INPP4B: variants seen among roughly 807,000 people sequenced by gnomAD.
INPP4B encodes the protein inositol polyphosphate-4-phosphatase type II B.
A neutral mutation model predicts 122.5 loss-of-function variants in INPP4B; 55 were observed. The ratio of observed to expected loss-of-function variants is 0.45; its 90% CI spans 0.36 to 0.56. The LOEUF (loss-of-function observed/expected upper bound fraction) is 0.56. Among genes scored for constraint, INPP4B ranks in the 20% least tolerant of loss-of-function variants. The pLI, the probability that INPP4B is intolerant of heterozygous loss-of-function variation, is 0.00. For synonymous variants in INPP4B, 403 were observed against 388.7 expected, an observed-to-expected ratio of 1.04 and a Z score of -0.43; for missense variants, 1,000 against 1,097.7, an observed-to-expected ratio of 0.91 and a Z score of 1.26.
At chr4:142,645,072 T>C (rs1431863784) in intron 2 of INPP4B, among the ~76,000 whole-genome samples, 1 of 152,094 alleles carries the variant, frequency 6.6e-6, no homozygotes, top group Non-Finnish European at 1.5e-5. Flanking sequence ...CTACTAGTCA[T>C]CAACAAACAA....
chr4:142,478,082 C>T (rs775161541), intron 2 of INPP4B, among the ~76,000 whole-genome samples: 1 of 152,158 alleles, frequency 6.6e-6, no homozygotes, highest in African/African-American at 2.4e-5. Flanking sequence ...GGGTTATAGG[C>T]ACCCACTGCA....
In INPP4B at chr4:142,329,758, C is replaced by G. The variant is rs964468477; in HGVS notation, c.373-14996G>C. 5.3e-5 allele frequency among the ~76,000 whole-genome samples: 8 copies of G among 152,254 alleles called. No individual in the cohort carries two copies. In the East Asian group the frequency reaches 1.5e-3, roughly 29 times the overall value. On this transcript the variant is annotated intron_variant, in intron 7 of 25. Transcript: ENST00000262992. ...ATTAAAGTGAGTATATAAATTTCCT[C>G]TTAATATAATTACATTCATCTATGA...
chr4:142,533,881 A>G (rs965744872), intron 2 of INPP4B, among the ~76,000 whole-genome samples: 13 of 152,190 alleles, frequency 8.5e-5, no homozygotes, highest in African/African-American at 2.4e-4. Context: ...GTGGGACTGC[A>G]TTGATTAGGA....
chr4:142,499,560 T>C (rs778867781), intron 2 of INPP4B, among the ~76,000 whole-genome samples: 1 of 152,232 alleles, frequency 6.6e-6, no homozygotes, highest in African/African-American at 2.4e-5. Flanking sequence ...TTGCATTTTC[T>C]TGTGATTACA....
At chr4:142,536,879 C>A (rs1006993718) in intron 2 of INPP4B, among the ~76,000 whole-genome samples, 1 of 152,148 alleles carries the variant, frequency 6.6e-6, no homozygotes, top group Non-Finnish European at 1.5e-5. Context: ...TCACTGCAAC[C>A]TCTGCCTCCC....
chr4:142,223,071 T>C (rs969829145), intron 12 of INPP4B, among the ~76,000 whole-genome samples: 2 of 152,142 alleles, frequency 1.3e-5, no homozygotes, highest in Admixed American at 1.3e-4. Context: ...TAGTCTCTTT[T>C]CTACAGCTGA....
intron 1 of INPP4B, among the ~76,000 whole-genome samples, chr4:142,844,596 T>A (rs1783956525): frequency 6.6e-6 from 1 of 152,246 alleles, no homozygotes; most frequent in South Asian, 2.1e-4. Context: ...AAGGAACACA[T>A]AATGCATGTA....
intron 9 of INPP4B, among the ~76,000 whole-genome samples, chr4:142,292,120 G>C (rs1756733336): frequency 6.6e-6 from 1 of 152,124 alleles, no homozygotes; most frequent in Non-Finnish European, 1.5e-5. Flanking sequence ...ATGAAAGAAA[G>C]AATAGCTTGA....
At chr4:142,737,673 G>A (rs1406115761) in intron 1 of INPP4B, among the ~76,000 whole-genome samples, 2 of 151,986 alleles carry the variant, frequency 1.3e-5, no homozygotes, top group Non-Finnish European at 2.9e-5. Flanking sequence ...GACTGAACAG[G>A]CAACCTACAG....
At chr4:142,269,125 G>A (rs1463751796) in intron 10 of INPP4B, among the ~76,000 whole-genome samples, 1 of 152,186 alleles carries the variant, frequency 6.6e-6, no homozygotes, top group African/African-American at 2.4e-5. Context: ...CCCACCCTGA[G>A]CCAAACACGT....
chr4:142,305,416 G>A, intron 9 of INPP4B, 42 bp downstream of exon 9: 2 of 1,432,018 alleles, frequency 1.4e-6, no homozygotes, highest in Non-Finnish European at 1.9e-6. Context: ...AATATCACTT[G>A]TTATTAACTT....
chr4:142,476,642 A>G (rs1190552284), intron 2 of INPP4B, among the ~76,000 whole-genome samples: 2 of 152,180 alleles, frequency 1.3e-5, no homozygotes, highest in African/African-American at 4.8e-5. Context: ...AAACAGAAAA[A>G]AGCAGGGGTC....
At chr4:142,475,302 CAAAACA>C (rs1819625464) in intron 2 of INPP4B, among the ~76,000 whole-genome samples, 1 of 150,642 alleles carries the variant, frequency 6.6e-6, no homozygotes, top group Non-Finnish European at 1.5e-5. Flanking sequence ...CCCCAAAAAA[CAAAACA>C]AAAACAAAAC....
intron 3 of INPP4B, among the ~76,000 whole-genome samples, chr4:142,460,342 A>G (rs1441978920): frequency 6.6e-6 from 1 of 152,186 alleles, no homozygotes; most frequent in Non-Finnish European, 1.5e-5. Flanking sequence ...TACAGATTAC[A>G]AGACTCCTGA....
chr4:142,290,390 T>C (rs1029067793), intron 9 of INPP4B, among the ~76,000 whole-genome samples: 3 of 151,824 alleles, frequency 2.0e-5, no homozygotes, highest in Admixed American at 6.6e-5. Flanking sequence ...GTAGTTTTAG[T>C]AGAGATGGGG....
intron 1 of INPP4B, among the ~76,000 whole-genome samples, chr4:142,766,269 G>A (rs1772105130): frequency 6.6e-6 from 1 of 152,092 alleles, no homozygotes; most frequent in Non-Finnish European, 1.5e-5. Context: ...AGAATAAGGT[G>A]TAAGATATAA....
intron 2 of INPP4B, among the ~76,000 whole-genome samples, chr4:142,518,415 A>G (rs556093739): frequency 6.6e-6 from 1 of 152,246 alleles, no homozygotes; most frequent in Non-Finnish European, 1.5e-5. Context: ...ATTTTTAGTG[A>G]TTGATATTTT....
At chr4:142,422,068 A>G (rs1441777780) in intron 5 of INPP4B, among the ~76,000 whole-genome samples, 1 of 152,088 alleles carries the variant, frequency 6.6e-6, no homozygotes, top group Non-Finnish European at 1.5e-5. Flanking sequence ...TTGAGAATCT[A>G]GGATTCTTAA....
intron 9 of INPP4B, among the ~76,000 whole-genome samples, chr4:142,283,099 A>G (rs3102437): frequency 0.81 from 122,426 of 151,952 alleles, 49,734 homozygotes; most frequent in East Asian, 0.93. Flanking sequence ...TAGGAGGAAG[A>G]GGAGATGTAT....
Sources: allele counts gnomAD v4.1 joint callset (sites outside exome capture counted in the v4.1 genomes callset), GRCh38; gene constraint gnomAD v4.1.1; transcripts MANE v1.5; gene names NCBI Gene and HGNC (gene_info 2026-07-23, HGNC 2026-07-21).